Variants in ECE1 observed in about 807,000 individuals in gnomAD.
ECE1 encodes the protein endothelin converting enzyme 1, also known as endothelin-converting enzyme 1.
A neutral mutation model predicts 98.6 loss-of-function variants in ECE1; 35 were observed. That is an observed-to-expected ratio of 0.35 (90% CI 0.27 to 0.47). The LOEUF (loss-of-function observed/expected upper bound fraction) is 0.47, where lower values mean the gene tolerates loss of function less well. ECE1 is among the 20% of genes least tolerant of loss of function. The pLI is 1.00. For missense variants in ECE1, 814 were observed against 1,025.3 expected, an observed-to-expected ratio of 0.79 and a Z score of 2.81; for synonymous variants, 394 against 407.1, an observed-to-expected ratio of 0.97 and a Z score of 0.39.
Position 21,220,144 on chromosome 1 carries a change from A to C in ECE1, c.2137-13T>G, listed in dbSNP as rs1273303121. 6.2e-7 allele frequency: 1 copy of C among 1,605,164 alleles called. No individual in the cohort carries two copies. The highest frequency in any genetic ancestry group is 2.2e-5 in the East Asian group (1 of 44,716). On this transcript the variant is annotated splice_polypyrimidine_tract_variant and intron_variant, in intron 18 of 18. Coordinates refer to ENST00000374893, the MANE Select transcript of ECE1 (RefSeq NM_001397.3). The surrounding 1 kb of genome is among the most constrained non-coding windows in gnomAD (Gnocchi z 5.0). ...CGGAGCACCAGACCTTTGAAGGGGC[A>C]ACAGGGAGAGGCCAGGGTCACTGTG...
intron 10 of ECE1, among the ~76,000 whole-genome samples, chr1:21,243,822 G>A (rs999638181): frequency 6.6e-6 from 1 of 152,256 alleles, no homozygotes; most frequent in Admixed American, 6.5e-5. Context: ...CACTGCTCCC[G>A]CTTTGTCCTC....
At chr1:21,246,306 C>T (rs2098203428) in intron 9 of ECE1, among the ~76,000 whole-genome samples, 1 of 151,436 alleles carries the variant, frequency 6.6e-6, no homozygotes, top group Admixed American at 6.6e-5. Flanking sequence ...TGGGGACCAG[C>T]CTGGCAAACA....
chr1:21,334,955 G>A (rs1639277382), intron 1 of ECE1, among the ~76,000 whole-genome samples: 1 of 151,984 alleles, frequency 6.6e-6, no homozygotes, highest in Non-Finnish European at 1.5e-5. Context: ...AAGCCCAGTC[G>A]CCCCTCAACG....
chr1:21,290,499 G>T, upstream of ECE1: 1 of 1,214,230 alleles, frequency 8.2e-7, no homozygotes, highest in Non-Finnish European at 1.0e-6. This position sits in a 1 kb window ranked among gnomAD's most constrained non-coding sequence, Gnocchi z 7.3. Flanking sequence ...TTCGCGGGCG[G>T]GGCCTGATCG....
intron 1 of ECE1, among the ~76,000 whole-genome samples, chr1:21,326,209 T>C (rs985124127): frequency 6.7e-6 from 1 of 150,052 alleles, no homozygotes. Flanking sequence ...TGAGCAAAAA[T>C]ACCCATGCGG....
chr1:21,265,664 G>T lies in ECE1; in HGVS notation c.494-5272C>A, dbSNP rs1006127474. 2.6e-5 allele frequency among the ~76,000 whole-genome samples: 4 copies of T among 152,106 alleles called. No individual in the cohort carries two copies. In the East Asian group the frequency reaches 7.7e-4, roughly 29 times the overall value. On this transcript the variant is annotated intron_variant, in intron 4 of 18. Transcript: ENST00000374893. The stretch of plus-strand genomic sequence containing the variant: ...TTGCCTCTCAAGGGGTGCTCGTCTC[G>T]GTATCTTTTTTCAGACTAGCCCCAG...
At chr1:21,231,287 C>T (rs2098181440) in intron 14 of ECE1, among the ~76,000 whole-genome samples, 1 of 152,180 alleles carries the variant, frequency 6.6e-6, no homozygotes, top group Non-Finnish European at 1.5e-5. Context: ...CCTCTAAGAG[C>T]CTAGACAGTC....
At chr1:21,282,636 T>A (rs1368895810) in intron 2 of ECE1, among the ~76,000 whole-genome samples, 1 of 150,204 alleles carries the variant, frequency 6.7e-6, no homozygotes, top group African/African-American at 2.4e-5. Context: ...GGTACCCCTG[T>A]GCCTGGTGCT....
intron 1 of ECE1, among the ~76,000 whole-genome samples, chr1:21,308,259 G>A (rs1032003963): frequency 6.6e-6 from 1 of 152,172 alleles, no homozygotes; most frequent in Non-Finnish European, 1.5e-5. Context: ...TGCATGCTCT[G>A]GAGATGGGCT....
At chr1:21,249,914 C>T (rs2098210027) in intron 8 of ECE1, among the ~76,000 whole-genome samples, 1 of 151,604 alleles carries the variant, frequency 6.6e-6, no homozygotes, top group Non-Finnish European at 1.5e-5. Context: ...GCTGGGACTA[C>T]AGGCACATGC....
At chr1:21,259,168 T>C (rs212528) in intron 5 of ECE1, among the ~76,000 whole-genome samples, 18,335 of 152,188 alleles carry the variant, frequency 0.12, 1,130 homozygotes, top group South Asian at 0.18. Flanking sequence ...AATGTGATTA[T>C]ATCAAAACAT....
intron 3 of ECE1, among the ~76,000 whole-genome samples, chr1:21,276,730 G>C (rs2098247738): frequency 6.7e-6 from 1 of 148,572 alleles, no homozygotes; most frequent in South Asian, 2.1e-4. Context: ...CTGTCGCCCA[G>C]GCTGGAGTGC....
intron 8 of ECE1, 55 bp downstream of exon 8, chr1:21,255,892 C>G: frequency 1.3e-6 from 2 of 1,587,476 alleles, no homozygotes; most frequent in Non-Finnish European, 1.7e-6. Flanking sequence ...GTCCAGGGCC[C>G]TGTCTGAAAC....
intron 1 of ECE1, among the ~76,000 whole-genome samples, chr1:21,341,763 G>A (rs1401677109): frequency 6.6e-6 from 1 of 152,116 alleles, no homozygotes; most frequent in Non-Finnish European, 1.5e-5. Context: ...TGACGTGGGG[G>A]CATGTGGTTA....
chr1:21,305,735 G>C lies in ECE1; in HGVS notation c.4-15579C>G, dbSNP rs1569717683. ...GAGACAACAGGCTGGGCTCCACTCTGTGGGTTTGGGAGGGAGGGCTGCTGA... is the reference window on the plus strand; with the variant it reads ...GAGACAACAGGCTGGGCTCCACTCTCTGGGTTTGGGAGGGAGGGCTGCTGA... On this transcript the variant is annotated intron_variant, in intron 1 of 18. Transcript: ENST00000415912. Among the ~76,000 whole-genome samples the C allele has an allele frequency of 5.9e-5, 9 of 152,342 alleles. No homozygotes were observed. The East Asian group carries it at 1.7e-3, about 29-fold the overall frequency.
intron 1 of ECE1, among the ~76,000 whole-genome samples, chr1:21,335,130 G>A (rs1022374327): frequency 4.0e-5 from 6 of 151,894 alleles, no homozygotes; most frequent in Admixed American, 2.0e-4. Context: ...CCCTACATGT[G>A]CCAAACTTGC....
intron 10 of ECE1, among the ~76,000 whole-genome samples, chr1:21,239,545 A>C (rs2098193136): frequency 6.6e-6 from 1 of 152,228 alleles, no homozygotes; most frequent in African/African-American, 2.4e-5. Context: ...TTGGCAACAA[A>C]AAGGAATGAA....
chr1:21,265,910 C>G (rs1470155888), intron 4 of ECE1, among the ~76,000 whole-genome samples: 1 of 152,186 alleles, frequency 6.6e-6, no homozygotes, highest in Admixed American at 6.5e-5. Flanking sequence ...CTATGAAGAT[C>G]TTTTGGCAGC....
chr1:21,305,292 G>A (rs890499219), intron 1 of ECE1, among the ~76,000 whole-genome samples: 6 of 152,130 alleles, frequency 3.9e-5, no homozygotes, highest in African/African-American at 9.7e-5. Flanking sequence ...TGGATCCCTG[G>A]GCAAGGCAGG....
Sources: allele counts gnomAD v4.1 joint callset (sites outside exome capture counted in the v4.1 genomes callset), GRCh38; gene constraint gnomAD v4.1.1; non-coding constraint Gnocchi (gnomAD v3.1); transcripts MANE v1.5; gene names NCBI Gene and HGNC (gene_info 2026-07-23, HGNC 2026-07-21).